CTNNBL1: variants seen among roughly 807,000 people sequenced by gnomAD.
The protein encoded by CTNNBL1 is beta-catenin-like protein 1.
In CTNNBL1, 31 loss-of-function variants were observed where a neutral mutation model predicts 72.7. That is an observed-to-expected ratio of 0.43 (90% CI 0.32 to 0.58). CTNNBL1 has a LOEUF of 0.58. CTNNBL1 is among the 20% of genes least tolerant of loss of function. The probability of loss-of-function intolerance (pLI) is 0.08; values close to 1 mark genes in which losing one functional copy is unlikely to be tolerated. For missense variants in CTNNBL1, 534 were observed against 725.1 expected (o/e 0.74, Z 3.03); for synonymous variants, 240 against 267.3 (o/e 0.90, Z 1.00).
At chr20:37,814,846 C>G (rs973705407) in intron 11 of CTNNBL1, among the ~76,000 whole-genome samples, 3 of 152,164 alleles carry the variant, frequency 2.0e-5, no homozygotes, top group Non-Finnish European at 4.4e-5. Flanking sequence ...TTTACTTTCT[C>G]TCTGTGCCAC....
intron 10 of CTNNBL1, among the ~76,000 whole-genome samples, chr20:37,799,061 A>G (rs912364081): frequency 2.0e-5 from 3 of 152,192 alleles, no homozygotes; most frequent in African/African-American, 7.2e-5. Context: ...CTGGCTCCTC[A>G]TATTTAAGAT....
At chr20:37,843,983 C>T (rs1321600072) in intron 13 of CTNNBL1, among the ~76,000 whole-genome samples, 2 of 152,226 alleles carry the variant, frequency 1.3e-5, no homozygotes, top group African/African-American at 4.8e-5. Flanking sequence ...TCCAATTCAC[C>T]CCAACCCCTT....
At chr20:37,871,335 G>T (rs898147619) in intron 15 of CTNNBL1, among the ~76,000 whole-genome samples, 2 of 152,270 alleles carry the variant, frequency 1.3e-5, no homozygotes, top group East Asian at 3.9e-4. Context: ...CTGAGACTGG[G>T]TAATTTATGA....
intron 3 of CTNNBL1, 54 bp downstream of exon 3, chr20:37,737,538 ATTTTG>A: frequency 7.8e-7 from 1 of 1,285,048 alleles, no homozygotes; most frequent in Non-Finnish European, 1.1e-6. Flanking sequence ...TCGTTGGCTA[ATTTTG>A]TTTTGATTTT....
At chr20:37,871,473 C>T (rs1256119524) in intron 15 of CTNNBL1, among the ~76,000 whole-genome samples, 1 of 152,120 alleles carries the variant, frequency 6.6e-6, no homozygotes, top group Non-Finnish European at 1.5e-5. Flanking sequence ...GGCAAAGGGT[C>T]TTGAGAGTTC....
chr20:37,768,544 A>T (rs1260101258), intron 7 of CTNNBL1, among the ~76,000 whole-genome samples: 2 of 152,222 alleles, frequency 1.3e-5, no homozygotes, highest in African/African-American at 4.8e-5. Context: ...GTAGTGTTAT[A>T]AACAGTGCGG....
chr20:37,731,312 C>T lies in CTNNBL1; in HGVS notation c.31-1567C>T, dbSNP rs6126005. Among the ~76,000 whole-genome samples, 432 of 151,864 alleles carry T rather than the reference C, an allele frequency of 2.8e-3. 5 individuals carry two copies. The highest frequency in any genetic ancestry group is 0.017 in the East Asian group (90 of 5,162). On this transcript the variant is annotated intron_variant, in intron 1 of 15. Transcript: ENST00000361383. Reference sequence around the variant, plus strand: ...GTGCAATGGCACGATCTCGGCTCACCGCAACCTCTGCCTCCCGGGTTCAAG... The same window carrying T: ...GTGCAATGGCACGATCTCGGCTCACTGCAACCTCTGCCTCCCGGGTTCAAG...
intron 1 of CTNNBL1, among the ~76,000 whole-genome samples, chr20:37,726,973 A>G (rs986528178): frequency 6.6e-6 from 1 of 152,212 alleles, no homozygotes; most frequent in Admixed American, 6.5e-5. Flanking sequence ...AGGTCGAGAT[A>G]GCCCATAAAT....
chr20:37,814,738 G>T (rs1196513854), intron 11 of CTNNBL1, among the ~76,000 whole-genome samples: 4 of 151,574 alleles, frequency 2.6e-5, no homozygotes, highest in East Asian at 1.9e-4. Context: ...AATAATGAAA[G>T]AAAAAAAACG....
At chr20:37,711,889 G>A (rs768799278) in intron 1 of CTNNBL1, among the ~76,000 whole-genome samples, 8 of 152,128 alleles carry the variant, frequency 5.3e-5, no homozygotes, top group South Asian at 2.1e-4. Flanking sequence ...GGTCAGCTTC[G>A]GGGAGGAGGG....
At chr20:37,857,437 C>T (rs1293021421) in intron 13 of CTNNBL1, among the ~76,000 whole-genome samples, 1 of 152,228 alleles carries the variant, frequency 6.6e-6, no homozygotes, top group East Asian at 1.9e-4. Flanking sequence ...TCTGATAAGT[C>T]ACAGGAGTCT....
intron 8 of CTNNBL1, 54 bp downstream of exon 8, chr20:37,777,471 T>A: frequency 6.4e-7 from 1 of 1,567,026 alleles, no homozygotes; most frequent in South Asian, 1.1e-5. Context: ...CAGGCTTGTT[T>A]CAGATCATGA....
At chr20:37,707,317 A>G (rs891391950) in intron 1 of CTNNBL1, among the ~76,000 whole-genome samples, 7 of 152,212 alleles carry the variant, frequency 4.6e-5, no homozygotes, top group African/African-American at 1.4e-4. Flanking sequence ...CTGTTTTGTC[A>G]ACATTGAAAA....
intron 1 of CTNNBL1, among the ~76,000 whole-genome samples, chr20:37,704,750 T>C (rs2122547527): frequency 6.6e-6 from 1 of 151,572 alleles, no homozygotes; most frequent in South Asian, 2.1e-4. Flanking sequence ...AGTAGCCTCC[T>C]GGGTGGTCTT....
At chr20:37,807,927 C>T (rs574200067) in intron 11 of CTNNBL1, among the ~76,000 whole-genome samples, 2 of 152,208 alleles carry the variant, frequency 1.3e-5, no homozygotes, top group East Asian at 1.9e-4. Flanking sequence ...AAATGGCATC[C>T]GACCTTTACT....
intron 11 of CTNNBL1, among the ~76,000 whole-genome samples, chr20:37,818,819 A>G (rs2072081312): frequency 6.6e-6 from 1 of 152,208 alleles, no homozygotes. Flanking sequence ...ATTTATTGTG[A>G]CACAAGACTT....
chr20:37,786,444 C>G (rs2073674230), intron 10 of CTNNBL1, among the ~76,000 whole-genome samples: 1 of 152,188 alleles, frequency 6.6e-6, no homozygotes, highest in Non-Finnish European at 1.5e-5. Context: ...ATGCTTTACT[C>G]TATTGCGACT....
chr20:37,815,711 T>C (rs941588561), intron 11 of CTNNBL1, among the ~76,000 whole-genome samples: 4 of 152,272 alleles, frequency 2.6e-5, no homozygotes, highest in East Asian at 1.9e-4. Flanking sequence ...CTAGGTTCAT[T>C]TGGGTTATAG....
At chr20:37,780,299 A>G (rs571634560) in intron 10 of CTNNBL1, among the ~76,000 whole-genome samples, 7 of 152,304 alleles carry the variant, frequency 4.6e-5, no homozygotes, top group African/African-American at 1.7e-4. Flanking sequence ...AGAATTTAGA[A>G]TACTAACATA....
Sources: allele counts gnomAD v4.1 joint callset (sites outside exome capture counted in the v4.1 genomes callset), GRCh38; gene constraint gnomAD v4.1.1; transcripts MANE v1.5; gene names NCBI Gene and HGNC (gene_info 2026-07-23, HGNC 2026-07-21).